ZDHHC14: variants seen among roughly 807,000 people sequenced by gnomAD.
The protein encoded by ZDHHC14 is zDHHC palmitoyltransferase 14.
In ZDHHC14, 16 loss-of-function variants were observed where a neutral mutation model predicts 47.7. That is an observed-to-expected ratio of 0.34 (90% CI 0.23 to 0.51). The LOEUF (loss-of-function observed/expected upper bound fraction) is 0.51, where lower values mean the gene tolerates loss of function less well. Ranked by LOEUF, ZDHHC14 falls within the 20% of genes least tolerant of loss-of-function variation. The pLI is 0.97. For missense variants in ZDHHC14, 515 were observed against 662.5 expected, an observed-to-expected ratio of 0.78 and a Z score of 2.44; for synonymous variants, 293 against 278.9, an observed-to-expected ratio of 1.05 and a Z score of -0.50.
chr6:157,589,244 GAAGAACAGC>G (rs1473179106), intron 2 of ZDHHC14, among the ~76,000 whole-genome samples: 6 of 152,120 alleles, frequency 3.9e-5, no homozygotes, highest in South Asian at 2.1e-4. Flanking sequence ...CTCACTATCA[GAAGAACAGC>G]AAGGGAGAAA....
intron 8 of ZDHHC14, among the ~76,000 whole-genome samples, chr6:157,670,330 G>T (rs868503432): frequency 6.6e-6 from 1 of 152,330 alleles, no homozygotes. Flanking sequence ...GTCTTGCTCT[G>T]TCGCCCAGGC....
chr6:157,602,019 T>C (rs1784354188), intron 3 of ZDHHC14, among the ~76,000 whole-genome samples: 1 of 150,988 alleles, frequency 6.6e-6, no homozygotes, highest in Non-Finnish European at 1.5e-5. Flanking sequence ...CTGGCCAATA[T>C]GGTGAAACCG....
At chr6:157,454,178 CA>C (rs1369605617) in intron 1 of ZDHHC14, among the ~76,000 whole-genome samples, 3 of 152,198 alleles carry the variant, frequency 2.0e-5, no homozygotes, top group Non-Finnish European at 4.4e-5. Flanking sequence ...ACAGCTGCTC[CA>C]GCTCCAGCCA....
chr6:157,482,025 T>C (rs1053828382), intron 1 of ZDHHC14, among the ~76,000 whole-genome samples: 13 of 151,354 alleles, frequency 8.6e-5, no homozygotes, highest in Non-Finnish European at 1.6e-4. Flanking sequence ...CAAGGCAAAC[T>C]TTTTTTTTCA....
intron 2 of ZDHHC14, among the ~76,000 whole-genome samples, chr6:157,565,168 G>A (rs62423194): frequency 0.19 from 29,307 of 152,040 alleles, 3,023 homozygotes; most frequent in Middle Eastern, 0.25. Context: ...GATCACCTGC[G>A]TCTGGGAGGT....
chr6:157,575,059 C>G (rs927187462), intron 2 of ZDHHC14, among the ~76,000 whole-genome samples: 4 of 152,116 alleles, frequency 2.6e-5, no homozygotes, highest in Non-Finnish European at 5.9e-5. Context: ...GGCCAGCAGG[C>G]TGGAAAGTCA....
chr6:157,506,240 G>C (rs1454625111), intron 1 of ZDHHC14, among the ~76,000 whole-genome samples: 1 of 152,198 alleles, frequency 6.6e-6, no homozygotes, highest in Non-Finnish European at 1.5e-5. Context: ...ACTGAGTCCA[G>C]GGTTGAAGTC....
At chr6:157,435,350 A>G (rs1778417269) in intron 1 of ZDHHC14, among the ~76,000 whole-genome samples, 1 of 152,164 alleles carries the variant, frequency 6.6e-6, no homozygotes, top group African/African-American at 2.4e-5. Context: ...ACATGGAGGG[A>G]GGGTAGGAGA....
chr6:157,641,671 C>T (rs949286420), intron 5 of ZDHHC14, among the ~76,000 whole-genome samples: 6 of 152,128 alleles, frequency 3.9e-5, no homozygotes, highest in Admixed American at 1.3e-4. Context: ...CTTTTTTACA[C>T]GGAAGTGTTT....
intron 1 of ZDHHC14, among the ~76,000 whole-genome samples, chr6:157,411,055 G>T (rs2114757905): frequency 6.6e-6 from 1 of 152,320 alleles, no homozygotes. Context: ...CAGGCCAGTG[G>T]CTCAGAAGCT....
At chr6:157,635,623 A>G (rs1197673619) in intron 5 of ZDHHC14, among the ~76,000 whole-genome samples, 1 of 152,246 alleles carries the variant, frequency 6.6e-6, no homozygotes, top group African/African-American at 2.4e-5. Context: ...AGACTCTGCC[A>G]GAACCTTCTT....
At chr6:157,634,651 C>T (rs960645993) in intron 5 of ZDHHC14, among the ~76,000 whole-genome samples, 4 of 152,234 alleles carry the variant, frequency 2.6e-5, no homozygotes, top group Non-Finnish European at 4.4e-5. Flanking sequence ...CACTGGGGCC[C>T]GGGCTGCCAG....
At chr6:157,524,153 G>A (rs768219184) in intron 1 of ZDHHC14, among the ~76,000 whole-genome samples, 43 of 148,130 alleles carry the variant, frequency 2.9e-4, no homozygotes, top group Non-Finnish European at 4.5e-4. Flanking sequence ...TTTTTGAGAC[G>A]GAGTCTCACT....
At position 157,463,482 on chromosome 6, in the gene ZDHHC14, C is replaced by T. The variant is rs1779142135; in HGVS notation, c.246-79103C>T. Among the ~76,000 whole-genome samples, 1 of 152,128 alleles carries T rather than the reference C, an allele frequency of 6.6e-6. No individual in the cohort carries two copies. The highest frequency in any genetic ancestry group is 2.1e-4 in the South Asian group (1 of 4,820). On this transcript the variant is annotated intron_variant, in intron 1 of 8. Transcript: ENST00000359775. This position sits in a 1 kb window ranked among gnomAD's most constrained non-coding sequence, Gnocchi z 4.4. ...ATACATTTGTATATCCATAGCAGTG[C>T]TGTGCTCTCTATCACCCCCAACTCT...
intron 5 of ZDHHC14, among the ~76,000 whole-genome samples, chr6:157,638,333 T>C (rs1305999931): frequency 6.6e-6 from 1 of 152,184 alleles, no homozygotes; most frequent in Non-Finnish European, 1.5e-5. Flanking sequence ...CCACCTCCCA[T>C]TGCCTGCACC....
At chr6:157,522,760 C>T (rs1248226723) in intron 1 of ZDHHC14, among the ~76,000 whole-genome samples, 3 of 50,902 alleles carry the variant, frequency 5.9e-5, no homozygotes, top group Admixed American at 2.2e-4. Flanking sequence ...TTCCTCCCTC[C>T]CTCCCTTCTT....
chr6:157,452,363 C>A lies in ZDHHC14; in HGVS notation c.245+70097C>A, dbSNP rs139480603. On this transcript the variant is annotated intron_variant, in intron 1 of 8. Transcript: ENST00000359775. ...AAAGACTGGCTTACCCAGCTACAACCTGAAATATCCCACCTTTGCTGAAAC... is the reference window on the plus strand; with the variant it reads ...AAAGACTGGCTTACCCAGCTACAACATGAAATATCCCACCTTTGCTGAAAC... Among the ~76,000 whole-genome samples the A allele has an allele frequency of 9.2e-5, 14 of 152,250 alleles. No individual in the cohort carries two copies. The East Asian group carries it at 2.3e-3, about 25-fold the overall frequency.
chr6:157,668,402 G>T (rs887266356), intron 8 of ZDHHC14, among the ~76,000 whole-genome samples: 7 of 151,874 alleles, frequency 4.6e-5, no homozygotes, highest in African/African-American at 1.7e-4. Flanking sequence ...ATGGCTTACG[G>T]GCTAGGCACG....
intron 2 of ZDHHC14, among the ~76,000 whole-genome samples, chr6:157,563,863 G>T (rs750365158): frequency 1.6e-4 from 24 of 152,222 alleles, no homozygotes; most frequent in Non-Finnish European, 3.1e-4. Flanking sequence ...CTGCATGGAA[G>T]CGAAACAGTG....
Sources: gnomAD v4.1 joint callset for allele counts (sites outside exome capture counted in the v4.1 genomes callset) on GRCh38, gnomAD v4.1.1 for gene constraint, Gnocchi (gnomAD v3.1) non-coding constraint, MANE v1.5 for transcripts, NCBI Gene and HGNC (gene_info 2026-07-23, HGNC 2026-07-21) for gene names.